KCNB2: variants seen among roughly 807,000 people sequenced by gnomAD.
KCNB2 encodes potassium voltage-gated channel subfamily B member 2, also known as delayed rectifier potassium channel protein.
KCNB2 carries 15 observed loss-of-function variants against 61.5 expected under a neutral mutation model. The ratio of observed to expected loss-of-function variants is 0.24; its 90% CI spans 0.16 to 0.38. The LOEUF is 0.38. Among genes scored for constraint, KCNB2 ranks in the 10% least tolerant of loss-of-function variants. The probability of loss-of-function intolerance (pLI) is 1.00; values close to 1 mark genes in which losing one functional copy is unlikely to be tolerated. For synonymous variants in KCNB2, 457 were observed against 446.0 expected, an observed-to-expected ratio of 1.02 and a Z score of -0.31; for missense variants, 828 against 1,125.2, an observed-to-expected ratio of 0.74 and a Z score of 3.78.
intron 2 of KCNB2, among the ~76,000 whole-genome samples, chr8:72,821,659 A>AAAAAACAAC (rs1554535735): frequency 1.7e-5 from 2 of 117,006 alleles, no homozygotes; most frequent in Non-Finnish European, 3.4e-5. Flanking sequence ...AAAAAAAAAA[A>AAAAAACAAC]ACACACACAC....
At chr8:72,796,111 T>G (rs1016735464) in intron 2 of KCNB2, among the ~76,000 whole-genome samples, 6 of 152,176 alleles carry the variant, frequency 3.9e-5, no homozygotes, top group Non-Finnish European at 5.9e-5. Flanking sequence ...CTGGCATGCC[T>G]TACATTAGGC....
chr8:72,714,359 C>G (rs1434358667), intron 2 of KCNB2, among the ~76,000 whole-genome samples: 1 of 151,950 alleles, frequency 6.6e-6, no homozygotes, highest in East Asian at 1.9e-4. Flanking sequence ...ACATAATTGT[C>G]AGATTCACCA....
intron 1 of KCNB2, among the ~76,000 whole-genome samples, chr8:72,545,409 C>T (rs929636495): frequency 2.0e-5 from 3 of 152,136 alleles, no homozygotes; most frequent in African/African-American, 7.2e-5. Flanking sequence ...GTCTCTGTGT[C>T]ACATTTTGGT....
chr8:72,568,369 G>C (rs541337536), intron 2 of KCNB2, 56 bp downstream of exon 2: 1 of 1,394,834 alleles, frequency 7.2e-7, no homozygotes, highest in African/African-American at 1.4e-5. Flanking sequence ...TGCTACCTAC[G>C]TTCTAGAGAG....
At chr8:72,669,211 T>G (rs1236063647) in intron 2 of KCNB2, among the ~76,000 whole-genome samples, 1 of 152,180 alleles carries the variant, frequency 6.6e-6, no homozygotes. Context: ...CTGGCATAGC[T>G]CAAGATCCAT....
intron 2 of KCNB2, among the ~76,000 whole-genome samples, chr8:72,689,285 G>A (rs557852262): frequency 2.0e-5 from 3 of 152,186 alleles, no homozygotes; most frequent in Admixed American, 6.5e-5. Context: ...AACTCATTCT[G>A]GTGGAAATGA....
At chr8:72,613,068 A>G (rs540386727) in intron 2 of KCNB2, among the ~76,000 whole-genome samples, 7 of 152,220 alleles carry the variant, frequency 4.6e-5, no homozygotes, top group Non-Finnish European at 7.3e-5. Flanking sequence ...AAACTAGATA[A>G]CAATGGCTCA....
In KCNB2 at chr8:72,936,052, T is replaced by C; in HGVS notation, c.697T>C (p.Leu233=). 6.2e-7 allele frequency: 1 copy of C among 1,614,192 alleles called. No individual in the cohort carries two copies. The highest frequency in any genetic ancestry group is 8.5e-7 in the Non-Finnish European group (1 of 1,180,014). Residue 233 remains leucine (L), a synonymous_variant, in exon 3 of 3, where the codon TTA becomes CTA. Transcript: ENST00000523207. This position sits in a 1 kb window ranked among gnomAD's most constrained non-coding sequence, Gnocchi z 5.6. ...TGGACAACTCAATGACAACCGCCAATTAGCACACGTGGAGGCTGTGTGTAT... is the reference window on the plus strand; with the variant it reads ...TGGACAACTCAATGACAACCGCCAACTAGCACACGTGGAGGCTGTGTGTAT... The part of the protein sequence containing the change: ...EFGQLNDNRQ[L]AHVEAVCIAW...
rs1809453396 is a variant in KCNB2 at position 72,819,304 on chromosome 8, T to C, written c.580-116631T>C. ...CCGGCCCAGAGCTAATGCCCATTTC[T>C]GCTAATCCAAATTCAGAAATAGCAC... On this transcript the variant is annotated intron_variant, in intron 2 of 2. Coordinates refer to ENST00000523207, the MANE Select transcript of KCNB2 (RefSeq NM_004770.3). Among the ~76,000 whole-genome samples the C allele has an allele frequency of 1.3e-5, 2 of 152,016 alleles. 1 individual carries two copies. Among genetic ancestry groups the C allele is most frequent in the South Asian group, 4.1e-4 (2 of 4,820 alleles).
chr8:72,738,327 TA>T (rs1807885634), intron 2 of KCNB2, among the ~76,000 whole-genome samples: 1 of 106,652 alleles, frequency 9.4e-6, no homozygotes. Context: ...TGCCGACCTT[TA>T]ACTTACCCTG....
rs1372142829 is a variant in KCNB2 at position 72,859,716 on chromosome 8, T to C, written c.580-76219T>C. On this transcript the variant is annotated intron_variant, in intron 2 of 2. Transcript: ENST00000523207. Reference sequence around the variant, plus strand: ...ATCAGTACTTCATTTCGTTTTTTTTTTTTTTTTTTTTTTTTTTTTTGAGAT... The same window carrying C: ...ATCAGTACTTCATTTCGTTTTTTTTCTTTTTTTTTTTTTTTTTTTTGAGAT... 8.2e-5 allele frequency among the ~76,000 whole-genome samples: 11 copies of C among 133,642 alleles called. 1 individual carries two copies. Among genetic ancestry groups the C allele is most frequent in the Non-Finnish European group, 1.4e-4 (9 of 62,734 alleles). 87.7% of individuals were successfully genotyped at this position (133,642 alleles called of 152,430 possible).
At chr8:72,791,560 G>T (rs566331613) in intron 2 of KCNB2, among the ~76,000 whole-genome samples, 22 of 152,042 alleles carry the variant, frequency 1.4e-4, no homozygotes, top group African/African-American at 4.8e-4. Flanking sequence ...AAAAAATAAA[G>T]AAAGAAAGAA....
At chr8:72,547,386 A>G (rs1403081607) in intron 1 of KCNB2, among the ~76,000 whole-genome samples, 1 of 152,206 alleles carries the variant, frequency 6.6e-6, no homozygotes, top group African/African-American at 2.4e-5. Context: ...CCTGCCATAT[A>G]TAGTGATTCC....
chr8:72,601,725 G>A (rs763098334), intron 2 of KCNB2, among the ~76,000 whole-genome samples: 2 of 152,310 alleles, frequency 1.3e-5, no homozygotes. Flanking sequence ...GTCAAGGTAA[G>A]TCTAAACTCT....
At chr8:72,787,344 C>G (rs1401544591) in intron 2 of KCNB2, among the ~76,000 whole-genome samples, 3 of 151,964 alleles carry the variant, frequency 2.0e-5, no homozygotes, top group Non-Finnish European at 4.4e-5. Flanking sequence ...CTGAAGTAAG[C>G]CTTGATCATG....
chr8:72,614,628 C>T (rs1873132), intron 2 of KCNB2, among the ~76,000 whole-genome samples: 1,756 of 152,258 alleles, frequency 0.012, 21 homozygotes, highest in African/African-American at 0.039. Context: ...GTGTTTATAA[C>T]GGCTCCTGCT....
Position 72,936,760 on chromosome 8 carries a change from G to A in KCNB2, c.1405G>A (p.Val469Ile), listed in dbSNP as rs1219120720. The A allele has an allele frequency of 2.5e-6, 4 of 1,614,084 alleles. No homozygotes were observed. In the African/African-American group the frequency reaches 5.3e-5, roughly 22 times the overall value. ...AAGTATGGAACTGATAGATGTGGCT[G>A]TTGAGAAGGCCGGAGAGTCCGCCAA... ...ARSMELIDVA[V>I]EKAGESANTK... Residue 469 changes from valine to isoleucine, a missense_variant, in exon 3 of 3, where the codon GTT (valine) becomes ATT (isoleucine). Coordinates refer to ENST00000523207, the MANE Select transcript of KCNB2 (RefSeq NM_004770.3). This position sits in a 1 kb window ranked among gnomAD's most constrained non-coding sequence, Gnocchi z 5.6.
chr8:72,601,311 T>C (rs1158463063), intron 2 of KCNB2, among the ~76,000 whole-genome samples: 1 of 152,220 alleles, frequency 6.6e-6, no homozygotes, highest in Non-Finnish European at 1.5e-5. Context: ...GACAAAACTT[T>C]AGTAATTAAG....
intron 2 of KCNB2, among the ~76,000 whole-genome samples, chr8:72,808,516 G>C (rs1215926348): frequency 6.6e-6 from 1 of 152,136 alleles, no homozygotes; most frequent in Non-Finnish European, 1.5e-5. Context: ...AAGAGTCAAT[G>C]TAATCTAGCC....
Sources: allele counts gnomAD v4.1 joint callset (sites outside exome capture counted in the v4.1 genomes callset), GRCh38; gene constraint gnomAD v4.1.1; non-coding constraint Gnocchi (gnomAD v3.1); transcripts MANE v1.5; gene names NCBI Gene and HGNC (gene_info 2026-07-23, HGNC 2026-07-21).